The following ARHGAP27 variants were observed in gnomAD, a reference collection of about 807,000 sequenced individuals.
ARHGAP27 encodes rho GTPase-activating protein 27.
In ARHGAP27, 53 loss-of-function variants were observed where a neutral mutation model predicts 102.0. That is an observed-to-expected ratio of 0.52 (90% CI 0.42 to 0.65). The LOEUF (loss-of-function observed/expected upper bound fraction) is 0.65. Ranked by LOEUF, ARHGAP27 falls within the 30% of genes least tolerant of loss-of-function variation. The pLI is 0.00. For missense variants in ARHGAP27, 1,117 were observed against 1,256.2 expected (o/e 0.89, Z 1.68); for synonymous variants, 525 against 542.8 (o/e 0.97, Z 0.46).
Position 45,406,057 on chromosome 17 carries a change from G to A in ARHGAP27, c.684C>T (p.Tyr228=), listed in dbSNP as rs1476802872. 7 of 1,529,054 alleles carry A rather than the reference G, an allele frequency of 4.6e-6. No individual in the cohort carries two copies. The highest frequency in any genetic ancestry group is 6.1e-6 in the Non-Finnish European group (7 of 1,142,062). The allele number at this position is 1,529,054 out of a possible 1,614,324, so 94.7% of individuals were successfully genotyped here. A position where few individuals can be genotyped will look rare whatever the true frequency, so the allele number is the denominator to read the frequency against. Residue 228 remains tyrosine (Y), a synonymous_variant, in exon 5 of 20, where the codon TAC becomes TAT. Coordinates refer to ENST00000685559, the MANE Select transcript of ARHGAP27 (RefSeq NM_001282290.2). ...CCCGGGGCTGCCTCTCTATGTTCGC[G>A]TACACGGGCTCCGGTGGGTCGTCCA... ...EQVDDPPEPV[Y]ANIERQPRAT...
rs2049946725 is a variant in ARHGAP27 at position 45,430,157 on chromosome 17, G to A, written c.123C>T (p.Ser41=). 6.5e-7 allele frequency: 1 copy of A among 1,535,996 alleles called. No homozygotes were observed. ...PNERYRLLRR[S]TEHWWHVRRE... is the part of the protein sequence containing the mutation. The stretch of plus-strand genomic sequence containing the variant: ...GCCGCACGTGCCACCAGTGCTCGGT[G>A]CTGCGCCGCAGCAGCCGGTAGCGCT... Residue 41 remains serine (S), a synonymous_variant, in exon 4 of 20, where the codon AGC becomes AGT. Transcript: ENST00000685559. The surrounding 1 kb of genome is among the most constrained non-coding windows in gnomAD (Gnocchi z 4.4).
intron 4 of ARHGAP27, among the ~76,000 whole-genome samples, chr17:45,412,148 C>T (rs1006988223): frequency 1.3e-5 from 2 of 152,212 alleles, no homozygotes; most frequent in Admixed American, 1.3e-4. Context: ...ATGGGGGTCT[C>T]CCAGGGGGCT....
At chr17:45,407,662 G>A (rs1047982331) in intron 4 of ARHGAP27, 1 of 151,808 alleles carries the variant, frequency 6.6e-6, no homozygotes, top group Non-Finnish European at 1.5e-5. Context: ...TTGCAGGCAC[G>A]CACCACCACG....
rs1359750983 is a variant in ARHGAP27, at chr17:45,431,468, A to G, written c.-19+153T>C. Among the ~76,000 whole-genome samples, 4 of 152,230 alleles carry G rather than the reference A, an allele frequency of 2.6e-5. No homozygotes were observed. In the East Asian group the frequency reaches 7.7e-4, roughly 29 times the overall value. ...GCAGGGCTCCTCCGCCACTTTGTCAAGCGTTCCTCGACGAGGAAAGGGTGT... is the reference window on the plus strand; with the variant it reads ...GCAGGGCTCCTCCGCCACTTTGTCAGGCGTTCCTCGACGAGGAAAGGGTGT... On this transcript the variant is annotated intron_variant, in intron 3 of 19. Coordinates refer to ENST00000685559, the MANE Select transcript of ARHGAP27 (RefSeq NM_001282290.2).
intron 4 of ARHGAP27, among the ~76,000 whole-genome samples, chr17:45,417,235 A>C (rs1597839047): frequency 6.6e-6 from 1 of 151,696 alleles, no homozygotes; most frequent in African/African-American, 2.4e-5. Context: ...AGGCCGAGGC[A>C]GGCAGATCAC....
chr17:45,412,583 T>C (rs981992561), intron 4 of ARHGAP27, among the ~76,000 whole-genome samples: 7 of 152,088 alleles, frequency 4.6e-5, no homozygotes, highest in African/African-American at 1.4e-4. Flanking sequence ...ACTCAGTGAG[T>C]CTGCTCTGTG....
In ARHGAP27 at chr17:45,403,649, C is replaced by T; in HGVS notation, c.1608G>A (p.Lys536=). 1 of 1,614,016 alleles carries T rather than the reference C, an allele frequency of 6.2e-7. No homozygotes were observed. Among genetic ancestry groups the T allele is most frequent in the African/African-American group, 1.3e-5 (1 of 75,038 alleles). The stretch of plus-strand genomic sequence containing the variant: ...CGCCTGCAGCCGAGGTCTTTGAGTC[C>T]TTGAAGAATGTCAGGACGCCACCCT... ...VLEGGVLTFF[K]DSKTSAAGGL... Residue 536 remains lysine (K), a synonymous_variant, in exon 11 of 20, where the codon AAG becomes AAA. Transcript: ENST00000685559.
chr17:45,415,042 GAC>G (rs1319868993), intron 4 of ARHGAP27, among the ~76,000 whole-genome samples: 1 of 140,270 alleles, frequency 7.1e-6, no homozygotes, highest in East Asian at 2.1e-4. Flanking sequence ...TAGCCTGGGT[GAC>G]AGAGAGAGAG....
In ARHGAP27 at chr17:45,427,032, C is replaced by T. The variant is rs1019979743; in HGVS notation, c.657+2591G>A. On this transcript the variant is annotated intron_variant, in intron 4 of 19. Coordinates refer to ENST00000685559, the MANE Select transcript of ARHGAP27 (RefSeq NM_001282290.2). This position sits in a 1 kb window ranked among gnomAD's most constrained non-coding sequence, Gnocchi z 4.5. Reference sequence around the variant, plus strand: ...ACTCTGCTCCTCCCCAAGTCATCCCCCCGTCAGGAAGCAGCACCACTGTCT... The same window carrying T: ...ACTCTGCTCCTCCCCAAGTCATCCCTCCGTCAGGAAGCAGCACCACTGTCT... Among the ~76,000 whole-genome samples the T allele has an allele frequency of 2.6e-5, 4 of 152,148 alleles. No homozygotes were observed. Among genetic ancestry groups the T allele is most frequent in the African/African-American group, 9.7e-5 (4 of 41,430 alleles).
chr17:45,399,143 C>T (rs139704938), intron 12 of ARHGAP27, among the ~76,000 whole-genome samples: 167 of 152,292 alleles, frequency 1.1e-3, no homozygotes, highest in African/African-American at 3.5e-3. Context: ...GAATGTTTGG[C>T]GGCAACAGCT....
At chr17:45,424,876 G>C (rs1205834619) in intron 4 of ARHGAP27, among the ~76,000 whole-genome samples, 1 of 152,232 alleles carries the variant, frequency 6.6e-6, no homozygotes, top group Non-Finnish European at 1.5e-5. Context: ...GGAAGAAAGT[G>C]AGGGGGCAGG....
At chr17:45,411,122 G>A (rs1359688811) in intron 4 of ARHGAP27, among the ~76,000 whole-genome samples, 2 of 152,084 alleles carry the variant, frequency 1.3e-5, no homozygotes, top group East Asian at 3.9e-4. Flanking sequence ...AGAGGGCCAG[G>A]CACCAGCTTC....
intron 4 of ARHGAP27, among the ~76,000 whole-genome samples, chr17:45,411,571 C>T (rs2144714972): frequency 6.6e-6 from 1 of 152,236 alleles, no homozygotes; most frequent in South Asian, 2.1e-4. Flanking sequence ...AGAGATCACA[C>T]TAGGAGCAAG....
intron 4 of ARHGAP27, among the ~76,000 whole-genome samples, chr17:45,422,612 T>C (rs1264518839): frequency 6.6e-6 from 1 of 152,138 alleles, no homozygotes; most frequent in Admixed American, 6.6e-5. Context: ...CACGTAATGA[T>C]AGAAAAGCAC....
At chr17:45,406,663 CT>C (rs931484576) in intron 4 of ARHGAP27, among the ~76,000 whole-genome samples, 1 of 151,968 alleles carries the variant, frequency 6.6e-6, no homozygotes, top group Non-Finnish European at 1.5e-5. Flanking sequence ...CTGCTGCATT[CT>C]TTTTTTTGAG....
intron 4 of ARHGAP27, among the ~76,000 whole-genome samples, chr17:45,420,207 G>A (rs2048893430): frequency 6.6e-6 from 1 of 152,204 alleles, no homozygotes; most frequent in African/African-American, 2.4e-5. Context: ...TGGTAAAATG[G>A]ATTATTTGTA....
Position 45,398,009 on chromosome 17 carries a change from G to C in ARHGAP27, c.1782C>G (p.His594Gln). The change falls in exon 13 of 20, where the codon CAC (histidine) becomes CAG (glutamine). Residue 594 changes from histidine to glutamine, a missense_variant. Around this residue, in one of 3 missense-constraint regions of ARHGAP27, gnomAD observed 493 missense variants for 505.5 expected, o/e 0.98. Transcript: ENST00000685559. ...SRDGSEYLIQ[H>Q]DSEAIISTWH... Reference sequence around the variant, plus strand: ...AGGTGCTGATGATGGCCTCCGAGTCGTGCTGGATCAGGTACTCAGAGCCAT... The same window carrying C: ...AGGTGCTGATGATGGCCTCCGAGTCCTGCTGGATCAGGTACTCAGAGCCAT... The C allele has an allele frequency of 6.2e-7, 1 of 1,610,248 alleles. No individual in the cohort carries two copies.
In ARHGAP27 at chr17:45,394,838, G is replaced by C. The variant is rs2045401786; in HGVS notation, c.*618C>G. On this transcript the variant is annotated 3_prime_UTR_variant, in exon 20 of 20. Transcript: ENST00000685559. ...ACAGAACACCAGTGGGTCAAGGACA[G>C]CAGAGGCCCGGGACCCCCAACAGGA... 6.5e-6 allele frequency: 1 copy of C among 152,870 alleles called. No individual in the cohort carries two copies. The highest frequency in any genetic ancestry group is 1.5e-5 in the Non-Finnish European group (1 of 68,570). The allele number at this position is 152,870 out of a possible 1,614,324, so 9.5% of individuals were successfully genotyped here.
intron 4 of ARHGAP27, among the ~76,000 whole-genome samples, chr17:45,421,280 A>C (rs1475635935): frequency 2.7e-5 from 4 of 148,010 alleles, no homozygotes; most frequent in Non-Finnish European, 4.5e-5. Context: ...GAAATTTAAG[A>C]CCAGCCTGGG....
Sources: gnomAD v4.1 joint callset for allele counts (sites outside exome capture counted in the v4.1 genomes callset) on GRCh38, gnomAD v4.1.1 for gene constraint, gnomAD v4.1.1 regional missense constraint, Gnocchi (gnomAD v3.1) non-coding constraint, MANE v1.5 for transcripts, NCBI Gene and HGNC (gene_info 2026-07-23, HGNC 2026-07-21) for gene names.